CNTNAP2: variants seen among roughly 807,000 people sequenced by gnomAD.
CNTNAP2 encodes contactin-associated protein-like 2.
CNTNAP2 carries 98 observed loss-of-function variants against 155.2 expected under a neutral mutation model. The observed-to-expected ratio is 0.63, with a 90% CI of 0.54 to 0.75. The LOEUF (loss-of-function observed/expected upper bound fraction) is 0.75. Among genes scored for constraint, CNTNAP2 ranks in the 30% least tolerant of loss-of-function variants. The probability of loss-of-function intolerance (pLI) is 0.00; values close to 1 mark genes in which losing one functional copy is unlikely to be tolerated. For missense variants in CNTNAP2, 1,727 were observed against 1,688.1 expected (o/e 1.02, Z -0.40); for synonymous variants, 651 against 631.2 (o/e 1.03, Z -0.47).
At position 147,093,610 on chromosome 7, in the gene CNTNAP2, G is replaced by A. The variant is rs528927517; in HGVS notation, c.551-14537G>A. ...TTGAGAGGACACAAACACTCATACC[G>A]TAGCGTTCTGCCCCAAAACCCCAAA... On this transcript the variant is annotated intron_variant, in intron 4 of 23. Transcript: ENST00000361727. Among the ~76,000 whole-genome samples the A allele has an allele frequency of 3.3e-4, 50 of 152,210 alleles. 2 individuals are homozygous for A. Among genetic ancestry groups the A allele is most frequent in the Middle Eastern group, 6.8e-3 (2 of 294 alleles).
chr7:146,866,387 G>A (rs538786670), intron 3 of CNTNAP2, among the ~76,000 whole-genome samples: 2 of 152,060 alleles, frequency 1.3e-5, no homozygotes, highest in Non-Finnish European at 2.9e-5. Flanking sequence ...AAGTTTAGAA[G>A]ATTTGATATT....
chr7:146,885,933 G>C (rs1795648467), intron 3 of CNTNAP2, among the ~76,000 whole-genome samples: 1 of 14,936 alleles, frequency 6.7e-5, no homozygotes. Context: ...AAGTCGGTGT[G>C]TGTGTGTGTG....
intron 13 of CNTNAP2, among the ~76,000 whole-genome samples, chr7:147,708,254 G>A (rs1026164990): frequency 6.6e-6 from 1 of 152,192 alleles, no homozygotes; most frequent in African/African-American, 2.4e-5. Flanking sequence ...CTGTGGGCAG[G>A]AGAGTTTGTT....
intron 16 of CNTNAP2, among the ~76,000 whole-genome samples, chr7:148,119,394 G>T (rs377554082): frequency 6.6e-6 from 1 of 151,996 alleles, no homozygotes; most frequent in South Asian, 2.1e-4. Flanking sequence ...GCCAGGTGTG[G>T]TGGCGGGGGC....
chr7:148,306,409 C>T (rs903796002), intron 21 of CNTNAP2, among the ~76,000 whole-genome samples: 1 of 152,148 alleles, frequency 6.6e-6, no homozygotes, highest in Non-Finnish European at 1.5e-5. Flanking sequence ...TTCCTGTTCT[C>T]TCTTCCCAGA....
At chr7:147,826,953 C>CTTTT (rs1798462270) in intron 13 of CNTNAP2, among the ~76,000 whole-genome samples, 1 of 127,584 alleles carries the variant, frequency 7.8e-6, no homozygotes, top group Non-Finnish European at 1.6e-5. Context: ...TTTTTTGAGA[C>CTTTT]GGAGTCTTGC....
chr7:146,590,977 G>A (rs1798773633), intron 1 of CNTNAP2, among the ~76,000 whole-genome samples: 1 of 152,070 alleles, frequency 6.6e-6, no homozygotes, highest in Non-Finnish European at 1.5e-5. Context: ...ATAAGAAAAT[G>A]CTTGCTTATT....
chr7:146,273,065 T>C (rs1399969526), intron 1 of CNTNAP2, among the ~76,000 whole-genome samples: 1 of 135,398 alleles, frequency 7.4e-6, no homozygotes, highest in East Asian at 2.1e-4. Context: ...ATGGTGAGGG[T>C]GGAAGGGTGA....
At chr7:147,733,166 G>A (rs1796774930) in intron 13 of CNTNAP2, among the ~76,000 whole-genome samples, 1 of 152,184 alleles carries the variant, frequency 6.6e-6, no homozygotes, top group Non-Finnish European at 1.5e-5. Flanking sequence ...ATGGTTTTAG[G>A]TCTAACATTT....
chr7:146,265,647 A>C (rs1223732169), intron 1 of CNTNAP2, among the ~76,000 whole-genome samples: 1 of 151,546 alleles, frequency 6.6e-6, no homozygotes, highest in Non-Finnish European at 1.5e-5. Flanking sequence ...TTTTATAGAG[A>C]CGGGGTTTTG....
intron 3 of CNTNAP2, among the ~76,000 whole-genome samples, chr7:147,004,505 TA>T (rs1374044242): frequency 6.6e-6 from 1 of 151,976 alleles, no homozygotes; most frequent in Non-Finnish European, 1.5e-5. Context: ...GCTATATAGG[TA>T]AAAATATAAA....
chr7:148,415,391 T>C (rs752286394), intron 23 of CNTNAP2, 26 bp from the exon 24 acceptor site: 1 of 1,610,504 alleles, frequency 6.2e-7, no homozygotes, highest in South Asian at 1.1e-5. Context: ...CTGTCTAACC[T>C]CTCGTGCTTC....
intron 3 of CNTNAP2, among the ~76,000 whole-genome samples, chr7:146,842,074 A>G (rs1307175913): frequency 1.3e-5 from 2 of 151,938 alleles, no homozygotes; most frequent in Non-Finnish European, 2.9e-5. Flanking sequence ...TTTAGTAGAG[A>G]CAGGGTTTCA....
intron 1 of CNTNAP2, among the ~76,000 whole-genome samples, chr7:146,767,663 T>C (rs1000608698): frequency 6.6e-6 from 1 of 152,188 alleles, no homozygotes; most frequent in Admixed American, 6.5e-5. Flanking sequence ...AGTGAAGATA[T>C]ATAAGCTAGA....
intron 1 of CNTNAP2, among the ~76,000 whole-genome samples, chr7:146,290,146 G>A (rs1263280731): frequency 6.6e-6 from 1 of 152,138 alleles, no homozygotes; most frequent in Non-Finnish European, 1.5e-5. Flanking sequence ...GATTTTGGGA[G>A]GCCAAAGTTG....
chr7:147,346,682 A>G lies in CNTNAP2; in HGVS notation c.1498+46392A>G, dbSNP rs183837609. 3.3e-5 allele frequency among the ~76,000 whole-genome samples: 5 copies of G among 152,352 alleles called. No individual in the cohort carries two copies. In the East Asian group the frequency reaches 9.6e-4, roughly 29 times the overall value. On this transcript the variant is annotated intron_variant, in intron 9 of 23. Transcript: ENST00000361727. ...TTTTATCTCAGAAACTTCAGGGACT[A>G]CCACAATTTACACAGCAAATTTTAA...
At chr7:147,604,135 G>A (rs1400409757) in intron 12 of CNTNAP2, among the ~76,000 whole-genome samples, 2 of 151,992 alleles carry the variant, frequency 1.3e-5, no homozygotes, top group African/African-American at 4.8e-5. Flanking sequence ...AGAAAACCTA[G>A]GCATTACCAT....
At chr7:148,002,032 T>A (rs878859339) in intron 15 of CNTNAP2, among the ~76,000 whole-genome samples, 2 of 152,220 alleles carry the variant, frequency 1.3e-5, no homozygotes, top group Admixed American at 1.3e-4. Flanking sequence ...GAAAAAATTA[T>A]TTTGCTACTA....
At chr7:148,102,497 G>A (rs1804122215) in intron 15 of CNTNAP2, among the ~76,000 whole-genome samples, 1 of 152,080 alleles carries the variant, frequency 6.6e-6, no homozygotes, top group Non-Finnish European at 1.5e-5. Flanking sequence ...CCCAGTAATG[G>A]GATTGCTGGG....
Sources: allele counts gnomAD v4.1 joint callset (sites outside exome capture counted in the v4.1 genomes callset), GRCh38; gene constraint gnomAD v4.1.1; transcripts MANE v1.5; gene names NCBI Gene and HGNC (gene_info 2026-07-23, HGNC 2026-07-21).